Variants in PLS1 observed in about 807,000 individuals in gnomAD.
PLS1 encodes the protein plastin 1.
In PLS1, 32 loss-of-function variants were observed where a neutral mutation model predicts 73.7. The observed-to-expected ratio is 0.43, with a 90% CI of 0.33 to 0.58. The LOEUF (loss-of-function observed/expected upper bound fraction) is 0.58, where lower values mean the gene tolerates loss of function less well. Among genes scored for constraint, PLS1 ranks in the 20% least tolerant of loss-of-function variants. The pLI is 0.04. For synonymous variants in PLS1, 217 were observed against 261.3 expected, an observed-to-expected ratio of 0.83 and a Z score of 1.63; for missense variants, 633 against 740.5, an observed-to-expected ratio of 0.85 and a Z score of 1.68.
At chr3:142,700,918 C>T (rs1198310009) in intron 12 of PLS1, among the ~76,000 whole-genome samples, 1 of 152,120 alleles carries the variant, frequency 6.6e-6, no homozygotes, top group Non-Finnish European at 1.5e-5. Flanking sequence ...CAGGGGTTTC[C>T]GCTTTTGCAT....
rs67652440 is a variant in PLS1 at position 142,638,712 on chromosome 3, CATTTTATTTTATTTTATTTTATTTT to C, written c.-36-25469_-36-25445del. The stretch of plus-strand genomic sequence containing the variant: ...TAGGTGTGTAAGAAACACTTATCTT[CATTTTATTTTATTTTATTTTATTTT>C]ATTTTATTTTATTTTATTTTTGAGA... On this transcript the variant is annotated intron_variant, in intron 1 of 15. Transcript: ENST00000457734. Among the ~76,000 whole-genome samples the C allele has an allele frequency of 5.9e-4, 88 of 149,562 alleles. 1 individual carries two copies. Among genetic ancestry groups the C allele is most frequent in the African/African-American group, 1.9e-3 (77 of 40,312 alleles).
intron 1 of PLS1, among the ~76,000 whole-genome samples, chr3:142,635,076 C>A (rs1367143838): frequency 6.6e-6 from 1 of 152,038 alleles, no homozygotes; most frequent in Non-Finnish European, 1.5e-5. Flanking sequence ...GCACATACCA[C>A]CACACTGTAA....
At chr3:142,684,211 C>T (rs1226452237) in intron 7 of PLS1, 40 bp downstream of exon 7, 2 of 1,613,630 alleles carry the variant, frequency 1.2e-6, no homozygotes, top group Non-Finnish European at 1.7e-6. Flanking sequence ...TTGACATGTA[C>T]TTGCTATGGG....
At position 142,687,332 on chromosome 3, in the gene PLS1, G is replaced by T. The variant is rs528694498; in HGVS notation, c.981+956G>T. Among the ~76,000 whole-genome samples, 3 of 152,256 alleles carry T rather than the reference G, an allele frequency of 2.0e-5. No homozygotes were observed. The South Asian group carries it at 6.2e-4, about 32-fold the overall frequency. On this transcript the variant is annotated intron_variant, in intron 9 of 15. Transcript: ENST00000457734. ...GCCGCATGTGACCCACCGGCCGTGG[G>T]TTGGACAAACTTGAATTCTAAACAT...
rs7642226 is a variant in PLS1, at chr3:142,674,015, A to G, written c.365-2142A>G. On this transcript the variant is annotated intron_variant, in intron 4 of 15. Coordinates refer to ENST00000457734, the MANE Select transcript of PLS1 (RefSeq NM_001145319.2). ...TGAAACATCCTTTCTTTCCTTGCCT[A>G]TATTCACCTATTGAAAAACTATATT... 7.9e-5 allele frequency: 12 copies of G among 152,254 alleles called. No homozygotes were observed. In the East Asian group the frequency reaches 1.4e-3, roughly 17 times the overall value. The allele number at this position is 152,254 out of a possible 1,614,324, so 9.4% of individuals were successfully genotyped here.
intron 14 of PLS1, among the ~76,000 whole-genome samples, chr3:142,710,565 G>A (rs1013966121): frequency 6.6e-6 from 1 of 152,108 alleles, no homozygotes; most frequent in Non-Finnish European, 1.5e-5. Context: ...GCTTGACCTA[G>A]ATTAATTTAG....
intron 14 of PLS1, among the ~76,000 whole-genome samples, chr3:142,705,109 G>A (rs2038431514): frequency 6.6e-6 from 1 of 151,914 alleles, no homozygotes; most frequent in African/African-American, 2.4e-5. Flanking sequence ...TTTTTGATTG[G>A]TTGTCCAGTT....
chr3:142,663,854 A>G (rs545016438), intron 1 of PLS1, among the ~76,000 whole-genome samples: 3 of 152,340 alleles, frequency 2.0e-5, no homozygotes, highest in South Asian at 2.1e-4. Flanking sequence ...TATGCTGTAC[A>G]TTTATAAATG....
At chr3:142,659,537 A>G (rs1425313235) in intron 1 of PLS1, among the ~76,000 whole-genome samples, 1 of 151,962 alleles carries the variant, frequency 6.6e-6, no homozygotes, top group Non-Finnish European at 1.5e-5. Flanking sequence ...CTTTTCAGTT[A>G]TTTGTTTGTT....
At chr3:142,637,532 A>G (rs1222164415) in intron 1 of PLS1, among the ~76,000 whole-genome samples, 2 of 152,216 alleles carry the variant, frequency 1.3e-5, no homozygotes, top group African/African-American at 2.4e-5. Context: ...GCGTATGTCA[A>G]TTATACCTTA....
intron 12 of PLS1, among the ~76,000 whole-genome samples, chr3:142,703,189 C>T (rs1168579383): frequency 6.6e-6 from 1 of 151,684 alleles, no homozygotes; most frequent in East Asian, 1.9e-4. Context: ...TAAATCTACA[C>T]AAAACATCAT....
chr3:142,600,910 A>ATTTT lies in PLS1; in HGVS notation c.-37+4402_-37+4403insTTTT, dbSNP rs1560024540. On this transcript the variant is annotated intron_variant, in intron 1 of 15. Coordinates refer to ENST00000457734, the MANE Select transcript of PLS1 (RefSeq NM_001145319.2). ...TATATATATATATATATATATATATATATATATTTTTTTTTTTTTTTTTTT... is the reference window on the plus strand; with the variant it reads ...TATATATATATATATATATATATATATTTTTATATATTTTTTTTTTTTTTTTTTT... Among the ~76,000 whole-genome samples, 30 of 24,440 alleles carry ATTTT rather than the reference A, an allele frequency of 1.2e-3. 1 individual carries two copies. Among genetic ancestry groups the ATTTT allele is most frequent in the Non-Finnish European group, 1.8e-3 (29 of 16,130 alleles). 16.0% of individuals were successfully genotyped at this position (24,440 alleles called of 152,430 possible).
chr3:142,617,659 A>G (rs146934833), intron 1 of PLS1, among the ~76,000 whole-genome samples: 58 of 152,200 alleles, frequency 3.8e-4, no homozygotes, highest in African/African-American at 1.4e-3. Flanking sequence ...TAAGATCCAC[A>G]TGTTGATTTT....
At chr3:142,622,359 C>G (rs9862686) in intron 1 of PLS1, among the ~76,000 whole-genome samples, 1 of 152,024 alleles carries the variant, frequency 6.6e-6, no homozygotes, top group African/African-American at 2.4e-5. Context: ...ACAATCAAGA[C>G]GTAGAACACT....
intron 1 of PLS1, among the ~76,000 whole-genome samples, chr3:142,634,505 A>G (rs1182846877): frequency 6.6e-6 from 1 of 152,196 alleles, no homozygotes; most frequent in Non-Finnish European, 1.5e-5. Flanking sequence ...CTTCAACTGT[A>G]CTTGTGGATT....
chr3:142,692,445 A>G (rs9823492), intron 10 of PLS1, among the ~76,000 whole-genome samples: 26,334 of 152,090 alleles, frequency 0.17, 2,314 homozygotes, highest in East Asian at 0.2. Context: ...TGGAACACAT[A>G]TATCTTTGTA....
At chr3:142,671,659 G>A (rs996568661) in intron 4 of PLS1, among the ~76,000 whole-genome samples, 2 of 152,140 alleles carry the variant, frequency 1.3e-5, no homozygotes, top group East Asian at 1.9e-4. Flanking sequence ...TGCCCAGTGG[G>A]AAATGCAGAA....
chr3:142,611,331 A>G (rs1429889689), intron 1 of PLS1, among the ~76,000 whole-genome samples: 1 of 152,174 alleles, frequency 6.6e-6, no homozygotes, highest in Non-Finnish European at 1.5e-5. Context: ...CTTAATAATT[A>G]CTTAAATTGG....
intron 1 of PLS1, among the ~76,000 whole-genome samples, chr3:142,647,087 A>T (rs2036967966): frequency 6.6e-6 from 1 of 152,174 alleles, no homozygotes; most frequent in South Asian, 2.1e-4. Context: ...AAGGTGTAGC[A>T]TGTAGGTGTG....
Sources: gnomAD v4.1 joint callset for allele counts (sites outside exome capture counted in the v4.1 genomes callset) on GRCh38, gnomAD v4.1.1 for gene constraint, MANE v1.5 for transcripts, NCBI Gene and HGNC (gene_info 2026-07-23, HGNC 2026-07-21) for gene names.